SEC31B: variants seen among roughly 807,000 people sequenced by gnomAD.
SEC31B encodes SEC31 homolog B, COPII component.
A neutral mutation model predicts 135.0 loss-of-function variants in SEC31B; 113 were observed. The observed-to-expected ratio is 0.84, with a 90% CI of 0.72 to 0.98. The LOEUF (loss-of-function observed/expected upper bound fraction) is 0.98, where lower values mean the gene tolerates loss of function less well. Among genes scored for constraint, SEC31B ranks in the 50% least tolerant of loss-of-function variants. The pLI, the probability that SEC31B is intolerant of heterozygous loss-of-function variation, is 0.00. For missense variants in SEC31B, 1,296 were observed against 1,421.1 expected (o/e 0.91, Z 1.42); for synonymous variants, 508 against 549.4 (o/e 0.92, Z 1.05).
chr10:100,513,685 GTC>G (rs1851775210), intron 3 of SEC31B, among the ~76,000 whole-genome samples: 1 of 151,730 alleles, frequency 6.6e-6, no homozygotes, highest in Non-Finnish European at 1.5e-5. Context: ...GGCCAGGCTG[GTC>G]TTGAACTCCT....
intron 19 of SEC31B, among the ~76,000 whole-genome samples, chr10:100,491,861 G>A (rs1203184891): frequency 6.6e-6 from 1 of 152,214 alleles, no homozygotes; most frequent in African/African-American, 2.4e-5. Flanking sequence ...CTACAAAAAT[G>A]ACTTGCAGGA....
chr10:100,501,302 A>C (rs1851519822), intron 11 of SEC31B, among the ~76,000 whole-genome samples: 1 of 152,046 alleles, frequency 6.6e-6, no homozygotes, highest in African/African-American at 2.4e-5. Flanking sequence ...CCTCTGTCCT[A>C]TAGGTACCAC....
At chr10:100,508,888 T>C (rs1308544721) in intron 5 of SEC31B, 119 bp downstream of exon 5, 2 of 747,080 alleles carry the variant, frequency 2.7e-6, no homozygotes, top group Non-Finnish European at 4.6e-6. Context: ...TGGAGCTTTA[T>C]TGCCCTCCAG....
Position 100,497,677 on chromosome 10 carries a change from G to T in SEC31B, c.1980C>A (p.Pro660=). The T allele has an allele frequency of 6.2e-7, 1 of 1,614,154 alleles. No homozygotes were observed. Among genetic ancestry groups the T allele is most frequent in the Non-Finnish European group, 8.5e-7 (1 of 1,180,030 alleles). The change falls in exon 16 of 26, where the codon CCC becomes CCA. Residue 660 remains proline (P), a synonymous_variant. Coordinates refer to ENST00000370345, the MANE Select transcript of SEC31B (RefSeq NM_015490.4). ...TGGGACCACACTTACCACAGAGCTCGGGAAATTTCTCTGTGCCTGAGTATG... is the reference window on the plus strand; with the variant it reads ...TGGGACCACACTTACCACAGAGCTCTGGAAATTTCTCTGTGCCTGAGTATG... ...LLTYSGTEKF[P]ELCDMLGTRM...
intron 19 of SEC31B, among the ~76,000 whole-genome samples, chr10:100,492,672 T>C (rs146615843): frequency 5.1e-4 from 77 of 152,238 alleles, no homozygotes; most frequent in African/African-American, 1.8e-3. Flanking sequence ...GAAAACCCCA[T>C]GGAATCCACA....
Position 100,498,761 on chromosome 10 carries a change from A to G in SEC31B, c.1628T>C (p.Phe543Ser). The G allele has an allele frequency of 6.2e-7, 1 of 1,613,930 alleles. No homozygotes were observed. The highest frequency in any genetic ancestry group is 8.5e-7 in the Non-Finnish European group (1 of 1,179,892). Residue 543 changes from phenylalanine to serine, a missense_variant, in exon 14 of 26, where the codon TTC (phenylalanine) becomes TCC (serine). Transcript: ENST00000370345. ...TTKEASASSA[F>S]FDELVPQNMT... ...GTTCTGAGGGACCAGCTCATCAAAG[A>G]AGGCTGAGGAAGCAGAGGCTTCCTT...
Position 100,496,320 on chromosome 10 carries a change from G to A in SEC31B, c.2248C>T (p.Leu750Phe). 3.7e-6 allele frequency: 6 copies of A among 1,614,220 alleles called. No homozygotes were observed. The highest frequency in any genetic ancestry group is 5.1e-6 in the Non-Finnish European group (6 of 1,180,032). ...TTYRVTQYAN[L>F]LAAQGSLATA... ...GCCAGGCTGCCCTGGGCTGCCAGGA[G>A]GTTGGCATACTGAGTGACCCTGTAG... The change falls in exon 18 of 26, where the codon CTC becomes TTC. Residue 750 changes from leucine (L) to phenylalanine (F), a missense_variant. Coordinates refer to ENST00000370345, the MANE Select transcript of SEC31B (RefSeq NM_015490.4).
chr10:100,498,914 A>G (rs1424598993), intron 13 of SEC31B, 110 bp from the exon 14 acceptor site: 6 of 837,592 alleles, frequency 7.2e-6, no homozygotes, highest in Non-Finnish European at 9.6e-6. Flanking sequence ...GGGTAAAACT[A>G]AAAAAATAGC....
At position 100,499,208 on chromosome 10, in the gene SEC31B, G is replaced by C. The variant is rs751457054; in HGVS notation, c.1536C>G (p.Pro512=). Residue 512 remains proline, a synonymous_variant, in exon 13 of 26, where the codon CCC becomes CCG. Transcript: ENST00000370345. ...TGTCACTGTTGAGGTCATTTCCCTT[G>C]GGCTGAGGACTCTCACCTAGCCCCA... ...SDVGLGESPQ[P]KGNDLNSDRQ... is the part of the protein sequence containing the mutation. 3.7e-6 allele frequency: 6 copies of C among 1,613,868 alleles called. No homozygotes were observed. The Admixed American group carries it at 1.0e-4, about 27-fold the overall frequency.
intron 10 of SEC31B, among the ~76,000 whole-genome samples, chr10:100,504,318 A>T (rs574462243): frequency 3.3e-4 from 50 of 152,286 alleles, no homozygotes; most frequent in African/African-American, 1.0e-3. Context: ...GAAAACAAGA[A>T]CTTCCGCTTT....
At chr10:100,499,472 T>A in intron 12 of SEC31B, 52 bp downstream of exon 12, 1 of 1,450,428 alleles carries the variant, frequency 6.9e-7, no homozygotes, top group Non-Finnish European at 9.6e-7. Context: ...TCTGGCAACA[T>A]TCTCTTCTTC....
At chr10:100,507,687 G>C in intron 6 of SEC31B, 120 bp from the exon 7 acceptor site, 3 of 1,388,150 alleles carry the variant, frequency 2.2e-6, no homozygotes, top group Admixed American at 1.8e-5. Context: ...ACAGGCATCA[G>C]AGAGTGATGG....
chr10:100,507,300 T>C, intron 7 of SEC31B, 125 bp downstream of exon 7: 2 of 1,205,994 alleles, frequency 1.7e-6, no homozygotes, highest in Non-Finnish European at 2.4e-6. Flanking sequence ...GACTATATGT[T>C]GACCGGAATG....
chr10:100,510,893 C>G (rs1176378237), intron 3 of SEC31B, among the ~76,000 whole-genome samples: 1 of 152,248 alleles, frequency 6.6e-6, no homozygotes, highest in Non-Finnish European at 1.5e-5. Flanking sequence ...GCTGAAGAGG[C>G]TGCCATGTCA....
intron 5 of SEC31B, chr10:100,508,588 T>C (rs1851677061): frequency 8.9e-6 from 4 of 448,792 alleles, no homozygotes; most frequent in Non-Finnish European, 4.4e-6. Flanking sequence ...CAGAGCCACA[T>C]ACAGGGAGAA....
intron 15 of SEC31B, 59 bp downstream of exon 15, chr10:100,497,970 T>C (rs531699470): frequency 5.7e-6 from 9 of 1,587,628 alleles, no homozygotes; most frequent in Non-Finnish European, 7.8e-6. Flanking sequence ...GGTGTGGGTA[T>C]CCACCTCACA....
rs1462487668 is a variant in SEC31B at position 100,499,172 on chromosome 10, G to A, written c.1572C>T (p.Ala524=). The change falls in exon 13 of 26, where the codon GCC becomes GCT. Residue 524 remains alanine, a synonymous_variant. Coordinates refer to ENST00000370345, the MANE Select transcript of SEC31B (RefSeq NM_015490.4). Reference sequence around the variant, plus strand: ...ACTCCTACCACACCTGGCTGCAGAAGGCCTGTTGTCTGTCACTGTTGAGGT... The same window carrying A: ...ACTCCTACCACACCTGGCTGCAGAAAGCCTGTTGTCTGTCACTGTTGAGGT... ...GNDLNSDRQQ[A]FCSQASKHTT... is the part of the protein sequence containing the mutation. The A allele has an allele frequency of 1.9e-6, 3 of 1,613,818 alleles. No homozygotes were observed. Among genetic ancestry groups the A allele is most frequent in the African/African-American group, 1.3e-5 (1 of 74,918 alleles).
chr10:100,498,007 C>G (rs201531491), intron 15 of SEC31B, 22 bp downstream of exon 15: 5 of 1,613,440 alleles, frequency 3.1e-6, no homozygotes, highest in Middle Eastern at 1.6e-4. Flanking sequence ...CTCCCTTCTT[C>G]TCCTGCATGA....
intron 23 of SEC31B, 82 bp from the exon 24 acceptor site, chr10:100,489,056 C>T (rs1851246696): frequency 2.0e-6 from 3 of 1,529,122 alleles, no homozygotes; most frequent in Non-Finnish European, 2.6e-6. Context: ...TCCCCAGTGA[C>T]TCACAGTCAC....
Sources: gnomAD v4.1 joint callset for allele counts (sites outside exome capture counted in the v4.1 genomes callset) on GRCh38, gnomAD v4.1.1 for gene constraint, MANE v1.5 for transcripts, NCBI Gene and HGNC (gene_info 2026-07-23, HGNC 2026-07-21) for gene names.